Variants in USP39 observed in about 807,000 individuals in gnomAD.
USP39 encodes ubiquitin carboxyl-terminal hydrolase 39.
In USP39, 38 loss-of-function variants were observed where a neutral mutation model predicts 66.4. The observed-to-expected ratio is 0.57, with a 90% CI of 0.44 to 0.75. The LOEUF (loss-of-function observed/expected upper bound fraction) is 0.75, where lower values mean the gene tolerates loss of function less well. Ranked by LOEUF, USP39 falls within the 30% of genes least tolerant of loss-of-function variation. The pLI is 0.00. For synonymous variants in USP39, 303 were observed against 274.6 expected, an observed-to-expected ratio of 1.10 and a Z score of -1.02; for missense variants, 608 against 714.4, an observed-to-expected ratio of 0.85 and a Z score of 1.70.
chr2:85,637,510 C>G (rs1558868439), intron 8 of USP39, 74 bp downstream of exon 8: 1 of 1,511,498 alleles, frequency 6.6e-7, no homozygotes, highest in Non-Finnish European at 9.2e-7. Flanking sequence ...AAGAGATGCT[C>G]AGAGAACTGA....
chr2:85,641,121 A>T lies in USP39; in HGVS notation c.1427+3A>T, dbSNP rs774311427. On this transcript the variant is annotated splice_donor_region_variant and intron_variant, in intron 10 of 12. Coordinates refer to ENST00000323701, the MANE Select transcript of USP39 (RefSeq NM_006590.4). ...ACTATTGTCAATTTCCCTATTACGT[A>T]AGTAACATCCTGCCTCACTTCTCTC... is the stretch of plus-strand genomic sequence containing the variant. The T allele has an allele frequency of 1.9e-6, 3 of 1,612,350 alleles. No individual in the cohort carries two copies. In the East Asian group the frequency reaches 6.7e-5, roughly 36 times the overall value.
chr2:85,607,831 G>A (rs1478867276), upstream of USP39: 5 of 152,198 alleles, frequency 3.3e-5, no homozygotes, highest in Non-Finnish European at 7.3e-5. Context: ...GATGTCTTGT[G>A]GAATTCAGAC....
chr2:85,629,062 C>T (rs1280119370), intron 5 of USP39, among the ~76,000 whole-genome samples: 1 of 151,890 alleles, frequency 6.6e-6, no homozygotes, highest in Non-Finnish European at 1.5e-5. Context: ...CTCCCAGTTT[C>T]GTTTTGTTTT....
At chr2:85,621,875 G>GAGTCCTGCTA (rs58612657) in intron 3 of USP39, among the ~76,000 whole-genome samples, 2 of 151,574 alleles carry the variant, frequency 1.3e-5, no homozygotes, top group Non-Finnish European at 3.0e-5. Context: ...TTTTGAGACA[G>GAGTCCTGCTA]TGTTGCCCAG....
chr2:85,609,548 A>G, upstream of USP39: 2 of 1,613,828 alleles, frequency 1.2e-6, no homozygotes, highest in Non-Finnish European at 1.7e-6. Flanking sequence ...CTTTCACCGG[A>G]CTCTTCATAG....
intron 6 of USP39, among the ~76,000 whole-genome samples, chr2:85,631,514 T>C (rs1240635419): frequency 6.6e-6 from 1 of 151,860 alleles, no homozygotes; most frequent in East Asian, 1.9e-4. Flanking sequence ...GAGTGTCCAG[T>C]GGATAGTGTG....
chr2:85,613,444 G>C (rs894870518), upstream of USP39, among the ~76,000 whole-genome samples: 8 of 152,048 alleles, frequency 5.3e-5, no homozygotes, highest in Non-Finnish European at 1.2e-4. Context: ...CCCGGGAGGC[G>C]GAGGTTGCAG....
chr2:85,605,237 A>G (rs1673173774), intron 1 of USP39, among the ~76,000 whole-genome samples: 1 of 152,002 alleles, frequency 6.6e-6, no homozygotes, highest in Non-Finnish European at 1.5e-5. Context: ...TTATTTCACA[A>G]CTCTTGGCAA....
chr2:85,632,487 G>T (rs1052626045), intron 6 of USP39, among the ~76,000 whole-genome samples: 2 of 135,060 alleles, frequency 1.5e-5, no homozygotes, highest in Non-Finnish European at 1.6e-5. Context: ...TTGCTCTGTT[G>T]CCCAGGCTGG....
intron 4 of USP39, among the ~76,000 whole-genome samples, 188 bp from the exon 5 acceptor site, chr2:85,625,351 T>C (rs1674770353): frequency 6.6e-6 from 1 of 152,218 alleles, no homozygotes; most frequent in Admixed American, 6.5e-5. Flanking sequence ...GATCCCCTTG[T>C]AGATTAGCCA....
chr2:85,628,579 A>T (rs1675062357), intron 5 of USP39, among the ~76,000 whole-genome samples: 1 of 152,146 alleles, frequency 6.6e-6, no homozygotes, highest in Non-Finnish European at 1.5e-5. Context: ...ACCCTGTGTG[A>T]TGATGTTTCC....
upstream of USP39, among the ~76,000 whole-genome samples, chr2:85,614,979 A>AGTGTGGTGTG (rs146502279): frequency 0.046 from 6,733 of 145,008 alleles, 272 homozygotes; most frequent in African/African-American, 0.1. Flanking sequence ...AATTGCACAC[A>AGTGTGGTGTG]GTGTGGTGTG....
intron 11 of USP39, among the ~76,000 whole-genome samples, chr2:85,647,658 CAAAA>C (rs397707342): frequency 1.5e-4 from 12 of 82,480 alleles, no homozygotes; most frequent in Non-Finnish European, 2.7e-4. Context: ...GACCCTGTCT[CAAAA>C]AAAAAAAAAA....
chr2:85,631,405 C>T (rs1285380544), intron 6 of USP39, among the ~76,000 whole-genome samples: 1 of 145,124 alleles, frequency 6.9e-6, no homozygotes, highest in East Asian at 2.2e-4. Context: ...CAGCCTTGAA[C>T]TTCTGGACTC....
upstream of USP39, among the ~76,000 whole-genome samples, chr2:85,612,962 CT>C (rs374731788): frequency 0.37 from 54,101 of 144,650 alleles, 10,147 homozygotes; most frequent in African/African-American, 0.47. Context: ...TGCCCGGCCC[CT>C]TTTTTTTTTT....
At chr2:85,631,360 G>T (rs1372995705) in intron 6 of USP39, among the ~76,000 whole-genome samples, 1 of 146,018 alleles carries the variant, frequency 6.8e-6, no homozygotes, top group Non-Finnish European at 1.5e-5. Context: ...CTTTTGACCA[G>T]GCTGGAGTGC....
At chr2:85,627,874 T>C (rs1190365155) in intron 5 of USP39, among the ~76,000 whole-genome samples, 1 of 152,186 alleles carries the variant, frequency 6.6e-6, no homozygotes, top group Admixed American at 6.6e-5. Context: ...CCTTTCCTAT[T>C]GGTTCGTCTT....
intron 10 of USP39, among the ~76,000 whole-genome samples, chr2:85,643,015 T>C (rs924291265): frequency 4.6e-5 from 7 of 151,686 alleles, no homozygotes; most frequent in Non-Finnish European, 7.4e-5. Flanking sequence ...GGTGGGAGAA[T>C]TGCTTGAGCT....
At chr2:85,623,598 T>A (rs776129059) in intron 3 of USP39, 48 bp from the exon 4 acceptor site, 1 of 1,566,510 alleles carries the variant, frequency 6.4e-7, no homozygotes, top group Non-Finnish European at 8.6e-7. Context: ...CTGATCTGTG[T>A]GTTCTAGTAT....
Sources: allele counts gnomAD v4.1 joint callset (sites outside exome capture counted in the v4.1 genomes callset), GRCh38; gene constraint gnomAD v4.1.1; transcripts MANE v1.5; gene names NCBI Gene and HGNC (gene_info 2026-07-23, HGNC 2026-07-21).